The following AGAP1 variants were observed in gnomAD, a reference collection of about 807,000 sequenced individuals.
AGAP1 encodes arf-GAP with GTPase, ANK repeat and PH domain-containing protein 1.
A neutral mutation model predicts 105.3 loss-of-function variants in AGAP1; 29 were observed. The ratio of observed to expected loss-of-function variants is 0.28; its 90% CI spans 0.21 to 0.38. The LOEUF (loss-of-function observed/expected upper bound fraction) is 0.38, where lower values mean the gene tolerates loss of function less well. Ranked by LOEUF, AGAP1 falls within the 10% of genes least tolerant of loss-of-function variation. The pLI, the probability that AGAP1 is intolerant of heterozygous loss-of-function variation, is 1.00. For synonymous variants in AGAP1, 509 were observed against 485.9 expected, an observed-to-expected ratio of 1.05 and a Z score of -0.63; for missense variants, 998 against 1,165.1, an observed-to-expected ratio of 0.86 and a Z score of 2.09.
rs3754665 is a variant in AGAP1 at position 235,736,116 on chromosome 2, G to A, written c.311-4847G>A. ...CTGTTTTCCCCTCTCACTGAGATGC[G>A]GTCACAGCTGCCCAGCGACCTGGTT... On this transcript the variant is annotated intron_variant, in intron 3 of 17. Coordinates refer to ENST00000304032, the MANE Select transcript of AGAP1 (RefSeq NM_001037131.3). This position sits in a 1 kb window ranked among gnomAD's most constrained non-coding sequence, Gnocchi z 5.5. Among the ~76,000 whole-genome samples the A allele has an allele frequency of 2.4e-3, 357 of 151,442 alleles. 4 individuals are homozygous for A. Among genetic ancestry groups the A allele is most frequent in the East Asian group, 0.021 (105 of 5,064 alleles).
intron 2 of AGAP1, among the ~76,000 whole-genome samples, chr2:235,715,283 C>T (rs1004930699): frequency 6.6e-6 from 1 of 152,172 alleles, no homozygotes; most frequent in Non-Finnish European, 1.5e-5. Context: ...GGGACTATGA[C>T]AAGTGTACAG....
chr2:235,641,547 C>G (rs572332919), intron 1 of AGAP1, among the ~76,000 whole-genome samples: 1 of 152,164 alleles, frequency 6.6e-6, no homozygotes, highest in African/African-American at 2.4e-5. Flanking sequence ...TTGCGTGGCC[C>G]GTCTGTGCCT....
intron 1 of AGAP1, among the ~76,000 whole-genome samples, chr2:235,651,509 A>G (rs1259868233): frequency 6.6e-6 from 1 of 152,220 alleles, no homozygotes; most frequent in Non-Finnish European, 1.5e-5. Context: ...CCCATAGGCA[A>G]ATAGACAAAA....
rs556052084 is a variant in AGAP1, at chr2:235,934,262, C to A, written c.1483+3339C>A. ...CACATGGCATGCTGAAGCTTGGGAA[C>A]CACTGCTGTAAGTCCTCACTTCCCA... On this transcript the variant is annotated intron_variant, in intron 12 of 17. Coordinates refer to ENST00000304032, the MANE Select transcript of AGAP1 (RefSeq NM_001037131.3). The surrounding 1 kb of genome is among the most constrained non-coding windows in gnomAD (Gnocchi z 4.9). Among the ~76,000 whole-genome samples, 1 of 152,314 alleles carries A rather than the reference C, an allele frequency of 6.6e-6. No individual in the cohort carries two copies. Among genetic ancestry groups the A allele is most frequent in the African/African-American group, 2.4e-5 (1 of 41,578 alleles).
intron 10 of AGAP1, among the ~76,000 whole-genome samples, chr2:235,902,452 T>C (rs1197798321): frequency 1.3e-5 from 2 of 152,222 alleles, no homozygotes; most frequent in Non-Finnish European, 2.9e-5. Flanking sequence ...CATCCATGCA[T>C]GTGATGTCAT....
At chr2:235,496,763 G>GA (rs10701236) in intron 1 of AGAP1, among the ~76,000 whole-genome samples, 64,388 of 150,466 alleles carry the variant, frequency 0.43, 14,749 homozygotes, top group East Asian at 0.66. Context: ...TCCCTTAAAA[G>GA]AAAAAAAAAA....
Position 235,557,052 on chromosome 2 carries a change from C to A in AGAP1, c.163+62203C>A, listed in dbSNP as rs1461638643. 6.6e-6 allele frequency among the ~76,000 whole-genome samples: 1 copy of A among 152,212 alleles called. No individual in the cohort carries two copies. The highest frequency in any genetic ancestry group is 2.4e-5 in the African/African-American group (1 of 41,456). ...CCGAAGGCAGACTTGGCCTTCCCAGCTGGCGCGGGACTGGGGACTTAGGGG... is the reference window on the plus strand; with the variant it reads ...CCGAAGGCAGACTTGGCCTTCCCAGATGGCGCGGGACTGGGGACTTAGGGG... On this transcript the variant is annotated intron_variant, in intron 1 of 17. Coordinates refer to ENST00000304032, the MANE Select transcript of AGAP1 (RefSeq NM_001037131.3). The surrounding 1 kb of genome is among the most constrained non-coding windows in gnomAD (Gnocchi z 4.7).
Position 236,036,771 on chromosome 2 carries a change from C to T in AGAP1, c.1800+56C>T. On this transcript the variant is annotated intron_variant, in intron 14 of 17. Transcript: ENST00000304032. The surrounding 1 kb of genome is among the most constrained non-coding windows in gnomAD (Gnocchi z 5.7). The stretch of plus-strand genomic sequence containing the variant: ...TGGGGCTGCTCAGGGGGAGTGCGGG[C>T]CCCAAGTAATGCCCCAGGGAGGAGA... The T allele has an allele frequency of 1.2e-6, 2 of 1,602,650 alleles. No homozygotes were observed. Among genetic ancestry groups the T allele is most frequent in the Non-Finnish European group, 1.7e-6 (2 of 1,175,856 alleles).
intron 9 of AGAP1, among the ~76,000 whole-genome samples, chr2:235,881,140 C>T (rs1307735609): frequency 1.3e-5 from 2 of 152,146 alleles, no homozygotes; most frequent in Non-Finnish European, 2.9e-5. Context: ...ATTGCAGCCC[C>T]AAGCTGGCTC....
rs1378798857 is a variant in AGAP1 at position 236,089,266 on chromosome 2, G to T, written c.2115-30926G>T. The stretch of plus-strand genomic sequence containing the variant: ...AAAGTTAAAGTCAGTCTAGTCAATT[G>T]CTTTAACACAAAGAGCAAACTGACA... On this transcript the variant is annotated intron_variant, in intron 16 of 17. Transcript: ENST00000304032. This position sits in a 1 kb window ranked among gnomAD's most constrained non-coding sequence, Gnocchi z 5.6. Among the ~76,000 whole-genome samples, 1 of 152,164 alleles carries T rather than the reference G, an allele frequency of 6.6e-6. No individual in the cohort carries two copies. Among genetic ancestry groups the T allele is most frequent in the Admixed American group, 6.5e-5 (1 of 15,278 alleles).
chr2:235,537,628 C>A (rs910127412), intron 1 of AGAP1, among the ~76,000 whole-genome samples: 2 of 152,182 alleles, frequency 1.3e-5, no homozygotes, highest in Admixed American at 1.3e-4. Context: ...CTGTTTGTTT[C>A]TTCTTATTAC....
rs373469539 is a variant in AGAP1, at chr2:236,015,696, G to A, written c.1646-20865G>A. On this transcript the variant is annotated intron_variant, in intron 13 of 17. Coordinates refer to ENST00000304032, the MANE Select transcript of AGAP1 (RefSeq NM_001037131.3). ...GATGCAAAGCAGGTCACAATCCAGC[G>A]ATCTTGGTATAATAGGGGGACATTT... 1.1e-4 allele frequency among the ~76,000 whole-genome samples: 16 copies of A among 152,218 alleles called. No homozygotes were observed. In the East Asian group the frequency reaches 1.7e-3, roughly 17 times the overall value.
chr2:235,547,449 C>G (rs1468410224), intron 1 of AGAP1, among the ~76,000 whole-genome samples: 2 of 151,254 alleles, frequency 1.3e-5, no homozygotes, highest in Non-Finnish European at 2.9e-5. Flanking sequence ...ACCTCTGCCT[C>G]CCGGGTTCAA....
chr2:235,984,432 T>C (rs1031207907), intron 13 of AGAP1, among the ~76,000 whole-genome samples: 2 of 151,494 alleles, frequency 1.3e-5, no homozygotes, highest in Non-Finnish European at 2.9e-5. Context: ...CTGGGTCATA[T>C]GGTAACTCTG....
Position 235,927,368 on chromosome 2 carries a change from G to T in AGAP1, c.1325-3397G>T, listed in dbSNP as rs748720368. ...TCTGAGCCACACCCTCAGAGCTGCTGCACCAGCATCTCAGTGGATTGGACT... is the reference window on the plus strand; with the variant it reads ...TCTGAGCCACACCCTCAGAGCTGCTTCACCAGCATCTCAGTGGATTGGACT... On this transcript the variant is annotated intron_variant, in intron 11 of 17. Coordinates refer to ENST00000304032, the MANE Select transcript of AGAP1 (RefSeq NM_001037131.3). This position sits in a 1 kb window ranked among gnomAD's most constrained non-coding sequence, Gnocchi z 4.4. Among the ~76,000 whole-genome samples the T allele has an allele frequency of 5.3e-5, 8 of 152,196 alleles. No homozygotes were observed. Among genetic ancestry groups the T allele is most frequent in the Non-Finnish European group, 1.0e-4 (7 of 68,026 alleles).
rs1002755882 is a variant in AGAP1 at position 235,769,376 on chromosome 2, G to A, written c.673+18888G>A. On this transcript the variant is annotated intron_variant, in intron 6 of 17. Transcript: ENST00000304032. This position sits in a 1 kb window ranked among gnomAD's most constrained non-coding sequence, Gnocchi z 4.4. The stretch of plus-strand genomic sequence containing the variant: ...TTTTTCCTCCAGTGGCAAGGTTTGC[G>A]TGGTCTTCACTCTTTTGCAGAAAAT... Among the ~76,000 whole-genome samples, 4 of 152,194 alleles carry A rather than the reference G, an allele frequency of 2.6e-5. No homozygotes were observed. Among genetic ancestry groups the A allele is most frequent in the African/African-American group, 4.8e-5 (2 of 41,442 alleles).
chr2:235,960,340 C>T lies in AGAP1; in HGVS notation c.1484-8122C>T, dbSNP rs1382265488. Among the ~76,000 whole-genome samples the T allele has an allele frequency of 1.3e-5, 2 of 152,182 alleles. No individual in the cohort carries two copies. Among genetic ancestry groups the T allele is most frequent in the African/African-American group, 4.8e-5 (2 of 41,444 alleles). ...TTATCCCATGACAACCCTGTGTCCT[C>T]TGAAAAGCTTGCCTCCTTCTCCCCG... On this transcript the variant is annotated intron_variant, in intron 12 of 17. Transcript: ENST00000304032. The surrounding 1 kb of genome is among the most constrained non-coding windows in gnomAD (Gnocchi z 4.9).
chr2:236,107,870 T>C (rs2059540082), intron 16 of AGAP1, among the ~76,000 whole-genome samples: 1 of 152,228 alleles, frequency 6.6e-6, no homozygotes, highest in Non-Finnish European at 1.5e-5. Context: ...GTAATAAGCC[T>C]AATATGGTTG....
rs1382084098 is a variant in AGAP1, at chr2:236,123,748, C to T, written c.2371-171C>T. Reference sequence around the variant, plus strand: ...TTTCCTTAAAAGAATCCGCTGGCCACGGGTGCAGGCTGTGCCACCAGCACT... The same window carrying T: ...TTTCCTTAAAAGAATCCGCTGGCCATGGGTGCAGGCTGTGCCACCAGCACT... On this transcript the variant is annotated intron_variant, in intron 17 of 17. Coordinates refer to ENST00000304032, the MANE Select transcript of AGAP1 (RefSeq NM_001037131.3). This position sits in a 1 kb window ranked among gnomAD's most constrained non-coding sequence, Gnocchi z 4.6. Among the ~76,000 whole-genome samples the T allele has an allele frequency of 3.3e-5, 5 of 152,142 alleles. No homozygotes were observed. Among genetic ancestry groups the T allele is most frequent in the East Asian group, 1.9e-4 (1 of 5,194 alleles).
Sources: gnomAD v4.1 joint callset for allele counts (sites outside exome capture counted in the v4.1 genomes callset) on GRCh38, gnomAD v4.1.1 for gene constraint, Gnocchi (gnomAD v3.1) non-coding constraint, MANE v1.5 for transcripts, NCBI Gene and HGNC (gene_info 2026-07-23, HGNC 2026-07-21) for gene names.